CHD6: variants seen among roughly 807,000 people sequenced by gnomAD.
The protein encoded by CHD6 is ATP-dependent chromatin remodeler CHD6.
CHD6 carries 50 observed loss-of-function variants against 276.9 expected under a neutral mutation model. The observed-to-expected ratio is 0.18, with a 90% CI of 0.14 to 0.23. The LOEUF is 0.23. Ranked by LOEUF, CHD6 falls within the 10% of genes least tolerant of loss-of-function variation. CHD6 has a pLI of 1.00. For missense variants in CHD6, 2,564 were observed against 3,365.8 expected (o/e 0.76, Z 5.89); for synonymous variants, 1,173 against 1,229.3 (o/e 0.95, Z 0.96).
chr20:41,482,166 C>A (rs1243406544), intron 16 of CHD6, among the ~76,000 whole-genome samples: 1 of 152,036 alleles, frequency 6.6e-6, no homozygotes, highest in African/African-American at 2.4e-5. Flanking sequence ...TTTTAAAAAT[C>A]TGCAAACTAA....
chr20:41,502,030 CCT>C (rs1472054104), intron 5 of CHD6, among the ~76,000 whole-genome samples: 2 of 152,104 alleles, frequency 1.3e-5, no homozygotes, highest in Non-Finnish European at 2.9e-5. Flanking sequence ...AAATAAGAGT[CCT>C]CTCTCAGATA....
chr20:41,450,825 T>C lies in CHD6; in HGVS notation c.3683+121A>G, dbSNP rs974062450. The C allele has an allele frequency of 2.0e-5, 18 of 895,038 alleles. No homozygotes were observed. In the African/African-American group the frequency reaches 2.8e-4, roughly 14 times the overall value. 55.4% of individuals were successfully genotyped at this position (895,038 alleles called of 1,614,324 possible). A position where few individuals can be genotyped will look rare whatever the true frequency, so the allele number is the denominator to read the frequency against. On this transcript the variant is annotated intron_variant, in intron 23 of 36. Transcript: ENST00000373233. ...CTTAGACCACAGATAACACATCCTG[T>C]CTTTCTAGACCTTGCACAGAAGTAG...
intron 1 of CHD6, among the ~76,000 whole-genome samples, chr20:41,592,889 A>AT (rs1049527148): frequency 5.3e-5 from 8 of 152,162 alleles, no homozygotes; most frequent in African/African-American, 1.9e-4. Context: ...AATAAATACT[A>AT]TTACACTGAA....
intron 1 of CHD6, among the ~76,000 whole-genome samples, chr20:41,574,557 T>G (rs2045453063): frequency 6.6e-6 from 1 of 152,098 alleles, no homozygotes; most frequent in Non-Finnish European, 1.5e-5. Context: ...TTCATCAAAA[T>G]CAAGTCAAAC....
At chr20:41,497,942 T>C (rs886726868) in intron 7 of CHD6, 2 of 521,830 alleles carry the variant, frequency 3.8e-6, no homozygotes, top group African/African-American at 3.9e-5. Context: ...GAGCCAATGG[T>C]CTTGGGTGGA....
intron 27 of CHD6, among the ~76,000 whole-genome samples, chr20:41,432,159 T>TGAAAAAAA (rs2047563033): frequency 1.2e-5 from 1 of 81,972 alleles, no homozygotes; most frequent in East Asian, 5.7e-4. Context: ...AAACTCCGTC[T>TGAAAAAAA]CAAAAAAAAA....
chr20:41,598,451 CA>C (rs2045741246), intron 1 of CHD6, among the ~76,000 whole-genome samples: 1 of 152,112 alleles, frequency 6.6e-6, no homozygotes, highest in Admixed American at 6.5e-5. Context: ...GCAAACTAAA[CA>C]AAAGCGACTG....
intron 16 of CHD6, among the ~76,000 whole-genome samples, chr20:41,474,680 A>G (rs1398646308): frequency 6.6e-6 from 1 of 152,180 alleles, no homozygotes; most frequent in Non-Finnish European, 1.5e-5. Flanking sequence ...GCAGGAAGAA[A>G]ATAAGGATAG....
At position 41,443,232 on chromosome 20, in the gene CHD6, A is replaced by G. The variant is rs149082384; in HGVS notation, c.3877+2433T>C. On this transcript the variant is annotated intron_variant, in intron 25 of 36. Coordinates refer to ENST00000373233, the MANE Select transcript of CHD6 (RefSeq NM_032221.5). ...CAAAACTGCTTCAACGAGCAGAAGA[A>G]TTTGGGAGCGACCTTATGTATCATC... is the stretch of plus-strand genomic sequence containing the variant. Among the ~76,000 whole-genome samples, 419 of 152,344 alleles carry G rather than the reference A, an allele frequency of 2.8e-3. 2 individuals carry two copies. The highest frequency in any genetic ancestry group is 0.024 in the Middle Eastern group (7 of 294).
At chr20:41,618,301 G>C (rs1398813834) in intron 1 of CHD6, 39 bp downstream of exon 1, 1 of 151,988 alleles carries the variant, frequency 6.6e-6, no homozygotes, top group African/African-American at 2.4e-5. Context: ...GGTCCGCCGA[G>C]GCCAGGGAGG....
chr20:41,455,408 A>G (rs1273129377), intron 19 of CHD6, among the ~76,000 whole-genome samples: 1 of 152,146 alleles, frequency 6.6e-6, no homozygotes, highest in South Asian at 2.1e-4. Context: ...AAACAAACAA[A>G]TTGCTTGAGT....
chr20:41,420,891 C>T lies in CHD6; in HGVS notation c.5744G>A (p.Gly1915Glu), dbSNP rs774379856. ...NQGFQDETKK[G>E]SLEVANQTPG... ...AGTCTGGTTTGCCACCTCTAAGCTTCCTTTCTTGGTTTCATCTTGGAAGCC... is the reference window on the plus strand; with the variant it reads ...AGTCTGGTTTGCCACCTCTAAGCTTTCTTTCTTGGTTTCATCTTGGAAGCC... Residue 1915 changes from glycine to glutamate, a missense_variant, in exon 31 of 37, where the codon GGA becomes GAA. By Grantham distance (98) the Gly-to-Glu change is moderately conservative. Coordinates refer to ENST00000373233, the MANE Select transcript of CHD6 (RefSeq NM_032221.5). 1 of 1,614,182 alleles carries T rather than the reference C, an allele frequency of 6.2e-7. No homozygotes were observed. The highest frequency in any genetic ancestry group is 8.5e-7 in the Non-Finnish European group (1 of 1,180,028).
At chr20:41,524,152 G>A (rs987279398) in intron 3 of CHD6, among the ~76,000 whole-genome samples, 19 of 152,064 alleles carry the variant, frequency 1.2e-4, no homozygotes, top group African/African-American at 4.6e-4. Context: ...TTCTTCCCAG[G>A]AGTACAATAC....
In CHD6 at chr20:41,457,440, AAG is replaced by A. The variant is rs1410162297; in HGVS notation, c.2665-14_2665-13del. On this transcript the variant is annotated splice_polypyrimidine_tract_variant and intron_variant, in intron 17 of 36. Transcript: ENST00000373233. ...CATCGGGCCTGAGCCTGGGAAGAAG[AAG>A]AGTCATATGCATCACGTCACCGTAT... is the stretch of plus-strand genomic sequence containing the variant. 5.6e-6 allele frequency: 9 copies of A among 1,605,982 alleles called. No homozygotes were observed. Among genetic ancestry groups the A allele is most frequent in the Non-Finnish European group, 7.7e-6 (9 of 1,173,376 alleles).
Position 41,412,224 on chromosome 20 carries a change from T to C in CHD6, c.7171A>G (p.Lys2391Glu), listed in dbSNP as rs542052067. ...DKPKQRRPRC[K>E]EPGKLDVSSL... ...CTGACATCTAATTTTCCAGGTTCTT[T>C]ACAGCGTGGCCTCCTCTGCTTTGGT... The change falls in exon 36 of 37, where the codon AAA (lysine) becomes GAA (glutamate). Residue 2391 changes from lysine to glutamate, a missense_variant. By Grantham distance (56) the Lys-to-Glu change is moderately conservative. Coordinates refer to ENST00000373233, the MANE Select transcript of CHD6 (RefSeq NM_032221.5). 13 of 1,614,220 alleles carry C rather than the reference T, an allele frequency of 8.1e-6. No individual in the cohort carries two copies. In the African/African-American group the frequency reaches 1.6e-4, roughly 20 times the overall value.
In CHD6 at chr20:41,403,464, T is replaced by C; in HGVS notation, c.*1129A>G. ...ATGTTGACTTGCAATGTAGTTTCGA[T>C]TAACTGATAATTTGGAATTTGGGTC... On this transcript the variant is annotated 3_prime_UTR_variant, in exon 37 of 37. Coordinates refer to ENST00000373233, the MANE Select transcript of CHD6 (RefSeq NM_032221.5). 1 of 1,062,202 alleles carries C rather than the reference T, an allele frequency of 9.4e-7. No homozygotes were observed. The highest frequency in any genetic ancestry group is 1.1e-6 in the Non-Finnish European group (1 of 877,430). 65.8% of individuals were successfully genotyped at this position (1,062,202 alleles called of 1,614,324 possible). A position where few individuals can be genotyped will look rare whatever the true frequency, so the allele number is the denominator to read the frequency against.
At chr20:41,461,916 A>C (rs1358774393) in intron 17 of CHD6, 2 of 152,258 alleles carry the variant, frequency 1.3e-5, no homozygotes. Flanking sequence ...CACCAGGAAG[A>C]CCAGAGCAAA....
Position 41,473,533 on chromosome 20 carries a change from T to C in CHD6, c.2469-16A>G. On this transcript the variant is annotated splice_polypyrimidine_tract_variant and intron_variant, in intron 16 of 36. Transcript: ENST00000373233. This position sits in a 1 kb window ranked among gnomAD's most constrained non-coding sequence, Gnocchi z 4.1. ...ATAGGTGTATCTGAGGGGACCCAAA[T>C]GAACGAAAGCCCAGGCGTTAATCAT... The C allele has an allele frequency of 6.2e-7, 1 of 1,610,062 alleles. No homozygotes were observed. Among genetic ancestry groups the C allele is most frequent in the South Asian group, 1.1e-5 (1 of 90,972 alleles).
At chr20:41,471,661 G>A (rs553372237) in intron 17 of CHD6, among the ~76,000 whole-genome samples, 25 of 151,732 alleles carry the variant, frequency 1.6e-4, no homozygotes, top group African/African-American at 5.8e-4. Flanking sequence ...TTAGTCTCCC[G>A]AGTAGCTGGG....
Sources: allele counts gnomAD v4.1 joint callset (sites outside exome capture counted in the v4.1 genomes callset), GRCh38; gene constraint gnomAD v4.1.1; non-coding constraint Gnocchi (gnomAD v3.1); transcripts MANE v1.5; gene names NCBI Gene and HGNC (gene_info 2026-07-23, HGNC 2026-07-21).